Variants in NCAM2 observed in about 807,000 individuals in gnomAD.
NCAM2 encodes the protein N-CAM-2.
Under a neutral mutation model 98.1 loss-of-function variants are expected in NCAM2, and 30 were observed. The ratio of observed to expected loss-of-function variants is 0.31; its 90% confidence interval spans 0.23 to 0.41. NCAM2 has a LOEUF of 0.41. Among genes scored for constraint, NCAM2 ranks in the 10% least tolerant of loss-of-function variants. The probability of loss-of-function intolerance (pLI) is 1.00; values close to 1 mark genes in which losing one functional copy is unlikely to be tolerated. For synonymous variants in NCAM2, 368 were observed against 342.4 expected (o/e 1.07, Z -0.83); for missense variants, 867 against 1,005.8 (o/e 0.86, Z 1.87).
chr21:21,219,453 T>C (rs2070044989), intron 1 of NCAM2, among the ~76,000 whole-genome samples: 1 of 152,234 alleles, frequency 6.6e-6, no homozygotes, highest in African/African-American at 2.4e-5. Flanking sequence ...CATAAGACTA[T>C]AATGGAATGA....
At chr21:21,340,774 T>G (rs1568953882) in intron 8 of NCAM2, among the ~76,000 whole-genome samples, 2 of 152,018 alleles carry the variant, frequency 1.3e-5, no homozygotes, top group Non-Finnish European at 2.9e-5. Flanking sequence ...GAAGTAAAGT[T>G]TATCTAGTTT....
rs1195048861 is a variant in NCAM2, at chr21:21,542,645, G to A, written c.*4688G>A. On this transcript the variant is annotated 3_prime_UTR_variant, in exon 18 of 18. Transcript: ENST00000400546. ...TCAAATCACAACCCGACATAGGAGA[G>A]TAGAGAAACAAAGAAATGAGTGGAT... 6.6e-6 allele frequency: 1 copy of A among 151,790 alleles called. No individual in the cohort carries two copies. Among genetic ancestry groups the A allele is most frequent in the Non-Finnish European group, 1.5e-5 (1 of 67,866 alleles). 9.4% of individuals were successfully genotyped at this position (151,790 alleles called of 1,614,324 possible). A position where few individuals can be genotyped will look rare whatever the true frequency, so the allele number is the denominator to read the frequency against.
intron 15 of NCAM2, among the ~76,000 whole-genome samples, chr21:21,498,190 C>T (rs922388033): frequency 2.0e-5 from 3 of 152,094 alleles, no homozygotes; most frequent in Admixed American, 6.6e-5. Context: ...CTCCAACTGG[C>T]CACACACAAT....
At chr21:21,121,099 C>T (rs1402193668) in intron 1 of NCAM2, among the ~76,000 whole-genome samples, 2 of 152,122 alleles carry the variant, frequency 1.3e-5, no homozygotes, top group Non-Finnish European at 2.9e-5. Context: ...CAGTAGTGTA[C>T]TACTTCACAT....
intron 16 of NCAM2, among the ~76,000 whole-genome samples, chr21:21,532,468 T>C (rs1989760294): frequency 6.6e-6 from 1 of 152,120 alleles, no homozygotes; most frequent in South Asian, 2.1e-4. Context: ...AACCATTTTC[T>C]CTTGTTAATC....
intron 1 of NCAM2, among the ~76,000 whole-genome samples, chr21:21,265,851 C>A (rs189994430): frequency 6.6e-6 from 1 of 152,166 alleles, no homozygotes; most frequent in Admixed American, 6.6e-5. Context: ...CAAACCTCAG[C>A]ATTACTCAAC....
Position 21,489,221 on chromosome 21 carries a change from C to T in NCAM2, c.2077+11750C>T, listed in dbSNP as rs533817217. On this transcript the variant is annotated intron_variant, in intron 15 of 17. Coordinates refer to ENST00000400546, the MANE Select transcript of NCAM2 (RefSeq NM_004540.5). ...TGTTGGCCAGGCTGGTCTCGAACTCCTGAACCCAATTGATCCTCCTGCTTC... is the reference window on the plus strand; with the variant it reads ...TGTTGGCCAGGCTGGTCTCGAACTCTTGAACCCAATTGATCCTCCTGCTTC... Among the ~76,000 whole-genome samples the T allele has an allele frequency of 2.0e-5, 3 of 152,266 alleles. No homozygotes were observed. The South Asian group carries it at 6.2e-4, about 32-fold the overall frequency.
chr21:21,264,429 C>A (rs1428243000), intron 1 of NCAM2, among the ~76,000 whole-genome samples: 3 of 151,934 alleles, frequency 2.0e-5, no homozygotes, highest in Non-Finnish European at 4.4e-5. Flanking sequence ...CAATAGAAAA[C>A]AGTCTGGAGA....
chr21:21,024,907 G>A (rs1000976046), intron 1 of NCAM2, among the ~76,000 whole-genome samples: 3 of 151,192 alleles, frequency 2.0e-5, no homozygotes, highest in South Asian at 2.1e-4. Context: ...AAAAAAAAGT[G>A]TACAGTACGA....
chr21:21,097,935 G>C (rs1457147116), intron 1 of NCAM2, among the ~76,000 whole-genome samples: 2 of 18,878 alleles, frequency 1.1e-4, no homozygotes, highest in Non-Finnish European at 6.9e-4. Flanking sequence ...TGAAGGGCTT[G>C]AATCAAGAGT....
chr21:21,260,934 C>A (rs2071872889), intron 1 of NCAM2, among the ~76,000 whole-genome samples: 1 of 151,322 alleles, frequency 6.6e-6, no homozygotes. Flanking sequence ...AAAAAATACT[C>A]AACCACCATC....
chr21:21,065,196 A>G (rs1904568236), intron 1 of NCAM2, among the ~76,000 whole-genome samples: 1 of 152,054 alleles, frequency 6.6e-6, no homozygotes, highest in African/African-American at 2.4e-5. Flanking sequence ...AACAAAAAAC[A>G]AAAAACAAAA....
At chr21:21,337,240 G>T (rs1160965390) in intron 7 of NCAM2, among the ~76,000 whole-genome samples, 1 of 151,808 alleles carries the variant, frequency 6.6e-6, no homozygotes, top group South Asian at 2.1e-4. Flanking sequence ...CAGTGAAAAA[G>T]AAAAAAGATT....
At chr21:21,536,164 A>G (rs148536219) in intron 17 of NCAM2, among the ~76,000 whole-genome samples, 3 of 152,220 alleles carry the variant, frequency 2.0e-5, no homozygotes, top group African/African-American at 7.2e-5. Context: ...CGTTGGTACA[A>G]TGTTTTTTAA....
intron 1 of NCAM2, among the ~76,000 whole-genome samples, chr21:21,258,958 G>A (rs2071781131): frequency 6.6e-6 from 1 of 152,144 alleles, no homozygotes; most frequent in Admixed American, 6.5e-5. Context: ...GGCACCAATT[G>A]CTGAACAGGG....
intron 1 of NCAM2, among the ~76,000 whole-genome samples, chr21:21,264,655 A>C (rs548898743): frequency 6.8e-6 from 1 of 146,624 alleles, no homozygotes; most frequent in African/African-American, 2.6e-5. Flanking sequence ...GTGTGTGTGC[A>C]TATATATATA....
chr21:21,310,241 G>C (rs1297931183), intron 5 of NCAM2, among the ~76,000 whole-genome samples: 1 of 152,014 alleles, frequency 6.6e-6, no homozygotes. Context: ...CCTCAGGTTT[G>C]CCAGTGAATT....
chr21:21,156,956 T>C (rs1294651633), intron 1 of NCAM2, among the ~76,000 whole-genome samples: 1 of 152,274 alleles, frequency 6.6e-6, no homozygotes, highest in East Asian at 1.9e-4. Context: ...ATAGCTCTTC[T>C]TTGTACAAAA....
intron 1 of NCAM2, among the ~76,000 whole-genome samples, chr21:21,140,273 G>A (rs537270383): frequency 6.6e-6 from 1 of 152,130 alleles, no homozygotes; most frequent in East Asian, 1.9e-4. Context: ...CAGTTTGGTG[G>A]GATATAAAGA....
Sources: gnomAD v4.1 joint callset for allele counts (sites outside exome capture counted in the v4.1 genomes callset) on GRCh38, gnomAD v4.1.1 for gene constraint, MANE v1.5 for transcripts, NCBI Gene and HGNC (gene_info 2026-07-23, HGNC 2026-07-21) for gene names.